The following FRMD8 variants were observed in gnomAD, a reference collection of about 807,000 sequenced individuals.
FRMD8 encodes FERM domain-containing protein 8.
FRMD8 carries 37 observed loss-of-function variants against 54.2 expected under a neutral mutation model. That is an observed-to-expected ratio of 0.68 (90% confidence interval 0.53 to 0.90). FRMD8 has a LOEUF of 0.90. Ranked by LOEUF, FRMD8 falls within the 40% of genes least tolerant of loss-of-function variation. The pLI, the probability that FRMD8 is intolerant of heterozygous loss-of-function variation, is 0.00. For missense variants in FRMD8, 585 were observed against 653.7 expected, an observed-to-expected ratio of 0.89 and a Z score of 1.15; for synonymous variants, 246 against 286.9, an observed-to-expected ratio of 0.86 and a Z score of 1.44.
the FRMD8 span, among the ~76,000 whole-genome samples, chr11:65,373,449 C>T: frequency 6.6e-6 from 1 of 152,176 alleles, no homozygotes; most frequent in African/African-American, 2.4e-5. Context: ...CCCAGAACAC[C>T]GATTCTTAAA....
At chr11:65,393,205 CA>C in intron 3 of FRMD8, among the ~76,000 whole-genome samples, 2 of 152,318 alleles carry the variant, frequency 1.3e-5, no homozygotes, top group Non-Finnish European at 2.9e-5. Flanking sequence ...CCCCAGTTGT[CA>C]ATTTCCAGTT....
In FRMD8 at chr11:65,411,446, C is replaced by A; in HGVS notation, c.*86C>A. On this transcript the variant is annotated 3_prime_UTR_variant, in exon 11 of 11. Coordinates refer to ENST00000317568, the MANE Select transcript of FRMD8 (RefSeq NM_031904.5). ...AGGGGCAGGCGCCGGCTGCAACAGTCTCATGGGTCACCACGTGGGGAGGGC... is the reference window on the plus strand; with the variant it reads ...AGGGGCAGGCGCCGGCTGCAACAGTATCATGGGTCACCACGTGGGGAGGGC... The A allele has an allele frequency of 1.2e-6, 1 of 853,636 alleles. No homozygotes were observed. 52.9% of individuals were successfully genotyped at this position (853,636 alleles called of 1,614,324 possible). A position where few individuals can be genotyped will look rare whatever the true frequency, so the allele number is the denominator to read the frequency against.
rs1049110052 is a variant in FRMD8, at chr11:65,394,328, C to G, written c.484C>G (p.Pro162Ala). ...GGGCAACGTGCTGGCTGCACGGTAC[C>G]CGTGCGACGTGGAGGACTGCGAGGC... ...AKGNVLAARY[P>A]CDVEDCEALG... The change falls in exon 6 of 11, where the codon CCG becomes GCG. Residue 162 changes from proline to alanine, a missense_variant. Physicochemically the swap from Pro to Ala is conservative, Grantham distance 27. Transcript: ENST00000317568. 17 of 1,586,244 alleles carry G rather than the reference C, an allele frequency of 1.1e-5. No homozygotes were observed. The Admixed American group carries it at 2.9e-4, about 27-fold the overall frequency.
chr11:65,380,244 G>C, the FRMD8 span: 1 of 1,611,028 alleles, frequency 6.2e-7, no homozygotes. Flanking sequence ...TCTGTGCCAA[G>C]AGGAAAGAGG....
chr11:65,375,674 A>C, the FRMD8 span: 1 of 152,368 alleles, frequency 6.6e-6, no homozygotes, highest in Non-Finnish European at 1.5e-5. Flanking sequence ...GGGAGGAGAC[A>C]TAGGGTTATC....
upstream of FRMD8, chr11:65,382,395 C>T (rs905527870): frequency 3.4e-5 from 7 of 205,316 alleles, no homozygotes; most frequent in Non-Finnish European, 5.1e-5. This position sits in a 1 kb window ranked among gnomAD's most constrained non-coding sequence, Gnocchi z 4.4. Flanking sequence ...AGGCCGGGTG[C>T]GGAGGTAGCG....
chr11:65,387,225 G>A (rs749008914), intron 2 of FRMD8, 104 bp downstream of exon 2: 29 of 967,456 alleles, frequency 3.0e-5, no homozygotes, highest in Non-Finnish European at 3.6e-5. Context: ...TTTATGTATC[G>A]ACTAAGAAAT....
chr11:65,377,513 C>T, the FRMD8 span: 11 of 687,380 alleles, frequency 1.6e-5, no homozygotes, highest in Admixed American at 5.5e-5. Flanking sequence ...AGGAGGTCCC[C>T]TCGTGAGTGC....
At chr11:65,381,041 G>T in the FRMD8 span, 1 of 155,474 alleles carries the variant, frequency 6.4e-6, no homozygotes, top group Admixed American at 6.4e-5. Context: ...GGCAGAGGCA[G>T]CACCCTCCCA....
intron 10 of FRMD8, among the ~76,000 whole-genome samples, chr11:65,405,521 G>A (rs1856176868): frequency 6.6e-6 from 1 of 152,186 alleles, no homozygotes; most frequent in African/African-American, 2.4e-5. Context: ...TACTCGGGAG[G>A]CTGAGGCAGG....
At chr11:65,381,262 T>C in the FRMD8 span, 1 of 153,734 alleles carries the variant, frequency 6.5e-6, no homozygotes, top group Non-Finnish European at 1.4e-5. Context: ...TCTGGAGTAG[T>C]TGGGACCACA....
the FRMD8 span, chr11:65,380,093 T>C: frequency 6.3e-7 from 1 of 1,598,270 alleles, no homozygotes. Context: ...TTGGGTCAGG[T>C]GAGATCTTTC....
chr11:65,404,052 C>T lies in FRMD8; in HGVS notation c.1072-812C>T, dbSNP rs1322615574. On this transcript the variant is annotated intron_variant, in intron 9 of 10. Transcript: ENST00000317568. The surrounding 1 kb of genome is among the most constrained non-coding windows in gnomAD (Gnocchi z 4.7). ...CTGCTCTTCCTTCTGGGCCGAGCAG[C>T]GGTGCCCACCTGCCCAGCCCAGAGG... Among the ~76,000 whole-genome samples the T allele has an allele frequency of 2.0e-5, 3 of 152,150 alleles. No individual in the cohort carries two copies. The highest frequency in any genetic ancestry group is 7.2e-5 in the African/African-American group (3 of 41,428).
intron 9 of FRMD8, among the ~76,000 whole-genome samples, chr11:65,401,701 T>C (rs1590657095): frequency 1.5e-5 from 1 of 64,518 alleles, no homozygotes; most frequent in African/African-American, 6.6e-5. Context: ...ACCAGCCACC[T>C]CCTCCCCCAG....
chr11:65,386,948 TC>T, intron 1 of FRMD8, 88 bp from the exon 2 acceptor site: 2 of 1,151,408 alleles, frequency 1.7e-6, no homozygotes, highest in Non-Finnish European at 2.5e-6. Flanking sequence ...CAGCCTGGGA[TC>T]CCTTACCGTA....
At chr11:65,389,269 C>CA in intron 2 of FRMD8, 92 bp from the exon 3 acceptor site, 1 of 1,286,932 alleles carries the variant, frequency 7.8e-7, no homozygotes, top group Non-Finnish European at 1.1e-6. Flanking sequence ...GTGGGGGCTC[C>CA]AGCCCCAGTG....
chr11:65,381,535 A>T, the FRMD8 span: 1 of 229,818 alleles, frequency 4.4e-6, no homozygotes, highest in African/African-American at 2.4e-5. Flanking sequence ...CTGGGATTAC[A>T]GGTGTGAGCC....
the FRMD8 span, chr11:65,375,391 GT>G: frequency 6.6e-6 from 1 of 152,366 alleles, no homozygotes; most frequent in Non-Finnish European, 1.5e-5. Context: ...GAACCCCAAA[GT>G]CAGCCTCAGG....
In FRMD8 at chr11:65,394,324, G is replaced by A. The variant is rs750851430; in HGVS notation, c.480G>A (p.Arg160=). 3 of 1,586,254 alleles carry A rather than the reference G, an allele frequency of 1.9e-6. No individual in the cohort carries two copies. Among genetic ancestry groups the A allele is most frequent in the Non-Finnish European group, 8.6e-7 (1 of 1,166,788 alleles). Residue 160 remains arginine (R), a synonymous_variant, in exon 6 of 11, where the codon CGG becomes CGA. Coordinates refer to ENST00000317568, the MANE Select transcript of FRMD8 (RefSeq NM_031904.5). ...CCAAGGGCAACGTGCTGGCTGCACG[G>A]TACCCGTGCGACGTGGAGGACTGCG... ...EEAKGNVLAA[R]YPCDVEDCEA...
Sources: allele counts gnomAD v4.1 joint callset (sites outside exome capture counted in the v4.1 genomes callset), GRCh38; gene constraint gnomAD v4.1.1; non-coding constraint Gnocchi (gnomAD v3.1); transcripts MANE v1.5; gene names NCBI Gene and HGNC (gene_info 2026-07-23, HGNC 2026-07-21).